The following ST6GALNAC6 variants were observed in gnomAD, a reference collection of about 807,000 sequenced individuals.
ST6GALNAC6 encodes the protein ST6 N-acetylgalactosaminide alpha-2,6-sialyltransferase 6.
A neutral mutation model predicts 34.3 loss-of-function variants in ST6GALNAC6; 19 were observed. The observed-to-expected ratio is 0.55, with a 90% CI of 0.39 to 0.81. ST6GALNAC6 has a LOEUF of 0.81. ST6GALNAC6 is among the 40% of genes least tolerant of loss of function. The pLI is 0.00. For missense variants in ST6GALNAC6, 377 were observed against 467.7 expected (o/e 0.81, Z 1.79); for synonymous variants, 185 against 182.1 (o/e 1.02, Z -0.13).
At chr9:127,897,784 C>T (rs1434814990) in intron 2 of ST6GALNAC6, 172 bp downstream of exon 2, 1 of 1,474,138 alleles carries the variant, frequency 6.8e-7, no homozygotes, top group African/African-American at 1.4e-5. Context: ...GCGTGGCCAC[C>T]CTTTCCTGCG....
intron 5 of ST6GALNAC6, among the ~76,000 whole-genome samples, chr9:127,889,679 G>A (rs1049933791): frequency 5.3e-5 from 8 of 151,938 alleles, no homozygotes; most frequent in Non-Finnish European, 1.2e-4. Context: ...TCCTGACCTC[G>A]TGATCCGTCC....
intron 1 of ST6GALNAC6, among the ~76,000 whole-genome samples, chr9:127,898,265 C>A (rs1345584971): frequency 1.3e-5 from 2 of 152,058 alleles, no homozygotes; most frequent in Non-Finnish European, 2.9e-5. Flanking sequence ...TGGTGGCGTG[C>A]GCCTGTTGTC....
At chr9:127,900,560 CAAAAAAAAAAAAAAA>C (rs71380101), upstream of ST6GALNAC6, among the ~76,000 whole-genome samples, 1 of 44,170 alleles carries the variant, frequency 2.3e-5, no homozygotes, top group Non-Finnish European at 3.5e-5. Flanking sequence ...AACTCCGTCT[CAAAAAAAAAAAAAAA>C]AAAAAAAAAA....
Position 127,890,083 on chromosome 9 carries a change from C to T in ST6GALNAC6, c.704+554G>A, listed in dbSNP as rs1305851092. Among the ~76,000 whole-genome samples the T allele has an allele frequency of 6.6e-6, 1 of 152,170 alleles. No individual in the cohort carries two copies. The highest frequency in any genetic ancestry group is 1.5e-5 in the Non-Finnish European group (1 of 68,040). On this transcript the variant is annotated intron_variant, in intron 5 of 6. Coordinates refer to ENST00000373146, the MANE Select transcript of ST6GALNAC6 (RefSeq NM_013443.5). The surrounding 1 kb of genome is among the most constrained non-coding windows in gnomAD (Gnocchi z 4.3). ...AGTAGCTAGGACTACAGGTACAAGC[C>T]ACCGCACACAGCTATTCACTAATTT...
chr9:127,899,720 A>G (rs1353436354), upstream of ST6GALNAC6: 4 of 945,900 alleles, frequency 4.2e-6, no homozygotes, highest in Non-Finnish European at 5.0e-6. Flanking sequence ...GCGGGCGGGG[A>G]AGGGAAAGGG....
chr9:127,906,013 A>G, upstream of ST6GALNAC6: 4 of 985,718 alleles, frequency 4.1e-6, no homozygotes, highest in South Asian at 1.9e-4. Flanking sequence ...TCGCCAGCTC[A>G]GGGCTCTCCT....
At chr9:127,900,991 C>CA (rs56673204), upstream of ST6GALNAC6, among the ~76,000 whole-genome samples, 12 of 61,004 alleles carry the variant, frequency 2.0e-4, 1 homozygote, top group African/African-American at 8.5e-4. Context: ...AACTCCCTAT[C>CA]AAAAAAAAAA....
chr9:127,894,737 C>G, intron 3 of ST6GALNAC6, 46 bp from the exon 4 acceptor site: 3 of 1,447,470 alleles, frequency 2.1e-6, no homozygotes, highest in Non-Finnish European at 1.8e-6. Flanking sequence ...CGGGCAGGCT[C>G]AGCGCCCCCA....
At chr9:127,891,124 A>T (rs1830110631) in intron 4 of ST6GALNAC6, 81 bp from the exon 5 acceptor site, 5 of 1,485,394 alleles carry the variant, frequency 3.4e-6, no homozygotes, top group Non-Finnish European at 3.6e-6. Flanking sequence ...TCCAGGACCC[A>T]GGAATTGTTA....
chr9:127,893,930 C>T (rs1830293341), intron 4 of ST6GALNAC6, among the ~76,000 whole-genome samples: 1 of 152,224 alleles, frequency 6.6e-6, no homozygotes, highest in African/African-American at 2.4e-5. Context: ...CCAAGGCCAA[C>T]AGAAGTCCCC....
At chr9:127,889,204 C>T (rs1170560384) in intron 5 of ST6GALNAC6, among the ~76,000 whole-genome samples, 1 of 152,028 alleles carries the variant, frequency 6.6e-6, no homozygotes, top group Non-Finnish European at 1.5e-5. Flanking sequence ...CATAAATTAG[C>T]TGGGTGTGTG....
Position 127,897,990 on chromosome 9 carries a change from TC to T in ST6GALNAC6, c.-10del. On this transcript the variant is annotated 5_prime_UTR_variant, in exon 2 of 7. Transcript: ENST00000373146. ...GGCCTCGAGCAAGCCATGTGACCTC[TC>T]TGAGCCTCAGTTTCCTCATCTGTGA... The T allele has an allele frequency of 2.0e-6, 3 of 1,522,768 alleles. No individual in the cohort carries two copies. Among genetic ancestry groups the T allele is most frequent in the Non-Finnish European group, 2.7e-6 (3 of 1,102,198 alleles). The allele number at this position is 1,522,768 out of a possible 1,614,324, so 94.3% of individuals were successfully genotyped here.
chr9:127,898,998 C>T (rs534524929), intron 1 of ST6GALNAC6, among the ~76,000 whole-genome samples: 1 of 152,242 alleles, frequency 6.6e-6, no homozygotes, highest in Admixed American at 6.5e-5. Context: ...GGGGGCCACA[C>T]CCTGCCCTCT....
chr9:127,891,179 T>A, intron 4 of ST6GALNAC6, 136 bp from the exon 5 acceptor site: 1 of 1,105,296 alleles, frequency 9.0e-7, no homozygotes, highest in South Asian at 1.6e-5. Context: ...CATTCCACAT[T>A]CAGCACACAT....
chr9:127,898,049 G>A (rs899832013), intron 1 of ST6GALNAC6, 39 bp from the exon 2 acceptor site: 1 of 1,016,812 alleles, frequency 9.8e-7, no homozygotes, highest in East Asian at 2.6e-5. Context: ...AACTCAAGGG[G>A]TTGTTGGAAG....
At chr9:127,888,688 T>C (rs1829946972) in intron 5 of ST6GALNAC6, among the ~76,000 whole-genome samples, 1 of 150,876 alleles carries the variant, frequency 6.6e-6, no homozygotes, top group Non-Finnish European at 1.5e-5. Flanking sequence ...TGCCTGTGAT[T>C]CCAGCTGCTC....
chr9:127,886,664 T>G lies in ST6GALNAC6; in HGVS notation c.937A>C (p.Lys313Gln). The G allele has an allele frequency of 6.2e-7, 1 of 1,614,046 alleles. No homozygotes were observed. The highest frequency in any genetic ancestry group is 8.5e-7 in the Non-Finnish European group (1 of 1,179,998). ...TGGGCCCACGATGAGAAGACCCTTT[T>G]CTCGGTGATGAAGCGGTGGTGGTTG... ...KGNHHRFITE[K>Q]RVFSSWAQLY... Residue 313 changes from lysine to glutamine, a missense_variant, in exon 7 of 7, where the codon AAA (lysine) becomes CAA (glutamine). Coordinates refer to ENST00000373146, the MANE Select transcript of ST6GALNAC6 (RefSeq NM_013443.5).
At chr9:127,889,049 C>T (rs1278333844) in intron 5 of ST6GALNAC6, among the ~76,000 whole-genome samples, 1 of 152,084 alleles carries the variant, frequency 6.6e-6, no homozygotes, top group Non-Finnish European at 1.5e-5. Flanking sequence ...AAAGAGTCTA[C>T]AAAAATCTCC....
intron 1 of ST6GALNAC6, among the ~76,000 whole-genome samples, chr9:127,898,987 T>TG (rs980127266): frequency 3.4e-4 from 51 of 152,078 alleles, no homozygotes; most frequent in South Asian, 8.3e-4. Context: ...GAGCCGAGGG[T>TG]GGGGGCCACA....
Sources: allele counts gnomAD v4.1 joint callset (sites outside exome capture counted in the v4.1 genomes callset), GRCh38; gene constraint gnomAD v4.1.1; non-coding constraint Gnocchi (gnomAD v3.1); transcripts MANE v1.5; gene names NCBI Gene and HGNC (gene_info 2026-07-23, HGNC 2026-07-21).